The following ACYP2 variants were observed in gnomAD, a reference collection of about 807,000 sequenced individuals.
ACYP2 encodes acylphosphatase 2.
In ACYP2, 12 loss-of-function variants were observed where a neutral mutation model predicts 11.2. The ratio of observed to expected loss-of-function variants is 1.08; its 90% CI spans 0.69 to 1.74. The LOEUF (loss-of-function observed/expected upper bound fraction) is 1.74. ACYP2 is among the 40% of genes most tolerant of loss of function. ACYP2 has a pLI of 0.00. For synonymous variants in ACYP2, 43 were observed against 32.2 expected (o/e 1.33, Z -1.13); for missense variants, 134 against 101.9 (o/e 1.31, Z -1.35).
At position 54,195,230 on chromosome 2, in the gene ACYP2, C is replaced by T. The variant is rs571025080; in HGVS notation, c.404+56482C>T. Among the ~76,000 whole-genome samples the T allele has an allele frequency of 4.6e-5, 7 of 152,310 alleles. No homozygotes were observed. In the East Asian group the frequency reaches 1.4e-3, roughly 29 times the overall value. ...TTGTTAGATTCTATGGTATAGAGGG[C>T]ATTGCCAGTCACAAACCAATTTACC... On this transcript the variant is annotated intron_variant, in intron 6 of 6. Transcript: ENST00000607452.
Position 54,299,392 on chromosome 2 carries a change from G to C in ACYP2, c.405-5296G>C, listed in dbSNP as rs527894894. Among the ~76,000 whole-genome samples, 39 of 152,116 alleles carry C rather than the reference G, an allele frequency of 2.6e-4. 1 individual carries two copies. Among genetic ancestry groups the C allele is most frequent in the Admixed American group, 1.2e-3 (19 of 15,294 alleles). ...GCAGATCACGAGGTCAGGAGTTTGA[G>C]AGCGGCCTGACCAACACAGTGAAAC... On this transcript the variant is annotated intron_variant, in intron 6 of 6. Transcript: ENST00000607452.
chr2:54,156,404 G>A (rs896496276), intron 6 of ACYP2, among the ~76,000 whole-genome samples: 6 of 152,104 alleles, frequency 3.9e-5, no homozygotes, highest in African/African-American at 1.4e-4. Flanking sequence ...TATTTATCCT[G>A]ATGCTCTCCC....
intron 6 of ACYP2, among the ~76,000 whole-genome samples, chr2:54,162,253 T>G (rs1682750405): frequency 6.6e-6 from 1 of 152,218 alleles, no homozygotes; most frequent in Admixed American, 6.5e-5. Context: ...GGAGAGAAAG[T>G]CTCTGAGGAT....
At chr2:54,254,959 G>T (rs1167412765) in intron 6 of ACYP2, 1 of 1,613,690 alleles carries the variant, frequency 6.2e-7, no homozygotes, top group East Asian at 2.2e-5. Context: ...GATCTCCACT[G>T]GCTCCCTTAC....
chr2:54,284,031 A>C (rs1374854747), intron 6 of ACYP2, among the ~76,000 whole-genome samples: 1 of 152,214 alleles, frequency 6.6e-6, no homozygotes, highest in Non-Finnish European at 1.5e-5. Flanking sequence ...GAATCACTTG[A>C]ACCCAGGAGG....
intron 6 of ACYP2, among the ~76,000 whole-genome samples, chr2:54,295,399 C>A (rs929308599): frequency 6.6e-6 from 1 of 152,126 alleles, no homozygotes. Flanking sequence ...GTAATAAGAG[C>A]AAATATTTCT....
intron 2 of ACYP2, among the ~76,000 whole-genome samples, chr2:53,997,837 A>G (rs994355943): frequency 6.6e-6 from 1 of 152,168 alleles, no homozygotes; most frequent in Non-Finnish European, 1.5e-5. Flanking sequence ...TACATTGGGA[A>G]ATGAAAAAAC....
At chr2:53,991,410 CTTT>C (rs200668201) in intron 2 of ACYP2, among the ~76,000 whole-genome samples, 1 of 141,848 alleles carries the variant, frequency 7.0e-6, no homozygotes. Flanking sequence ...ACTTTTTTTT[CTTT>C]TTTTTTTTTT....
chr2:54,193,135 TA>T (rs1402654339), intron 6 of ACYP2, among the ~76,000 whole-genome samples: 1 of 152,220 alleles, frequency 6.6e-6, no homozygotes, highest in African/African-American at 2.4e-5. Flanking sequence ...AGTCCTGGTT[TA>T]AATTGTTTTA....
chr2:54,143,954 A>G (rs188747111), intron 6 of ACYP2, among the ~76,000 whole-genome samples: 264 of 151,910 alleles, frequency 1.7e-3, no homozygotes, highest in South Asian at 3.8e-3. Context: ...CACCTTTTCA[A>G]TCTACCCTGT....
At chr2:54,276,814 C>T (rs1295745015) in intron 6 of ACYP2, among the ~76,000 whole-genome samples, 2 of 152,138 alleles carry the variant, frequency 1.3e-5, no homozygotes, top group East Asian at 1.9e-4. Context: ...GGGGTAACCA[C>T]TATTATCCCT....
chr2:54,114,839 C>A (rs1456059820), intron 4 of ACYP2, among the ~76,000 whole-genome samples: 5 of 152,180 alleles, frequency 3.3e-5, no homozygotes, highest in African/African-American at 4.8e-5. Flanking sequence ...GTTTAGAATA[C>A]GAGTTCAGGC....
intron 4 of ACYP2, among the ~76,000 whole-genome samples, chr2:54,127,040 G>A (rs1275780283): frequency 1.3e-5 from 2 of 148,720 alleles, no homozygotes; most frequent in African/African-American, 2.5e-5. Flanking sequence ...CATAAGAATT[G>A]GCCAACTTTT....
chr2:54,173,335 A>G (rs1683293992), intron 6 of ACYP2, among the ~76,000 whole-genome samples: 1 of 152,186 alleles, frequency 6.6e-6, no homozygotes, highest in Non-Finnish European at 1.5e-5. Flanking sequence ...TTGGCTGCAT[A>G]AATGTCTTCT....
chr2:53,982,704 T>G (rs968400320), intron 2 of ACYP2, among the ~76,000 whole-genome samples: 1 of 152,318 alleles, frequency 6.6e-6, no homozygotes, highest in African/African-American at 2.4e-5. Context: ...ACTACCCCTG[T>G]TGAGTGATTG....
chr2:54,244,642 A>G (rs1686872709), intron 6 of ACYP2, among the ~76,000 whole-genome samples: 1 of 152,116 alleles, frequency 6.6e-6, no homozygotes, highest in African/African-American at 2.4e-5. Context: ...ACCTTCAACT[A>G]TTGTAGCTTT....
chr2:53,990,517 C>T (rs1356060849), intron 2 of ACYP2, among the ~76,000 whole-genome samples: 6 of 150,812 alleles, frequency 4.0e-5, no homozygotes, highest in Middle Eastern at 3.2e-3. Flanking sequence ...GGCGTGGTGG[C>T]GGCCACCTGT....
intron 4 of ACYP2, among the ~76,000 whole-genome samples, chr2:54,058,420 T>G (rs1004086991): frequency 6.6e-6 from 1 of 152,084 alleles, no homozygotes; most frequent in African/African-American, 2.4e-5. Flanking sequence ...TACACCTATG[T>G]CTTCATTTAC....
At chr2:54,135,700 C>T (rs1681187423) in intron 5 of ACYP2, among the ~76,000 whole-genome samples, 1 of 152,008 alleles carries the variant, frequency 6.6e-6, no homozygotes, top group African/African-American at 2.4e-5. Context: ...TTCAAAAGTA[C>T]CTCTCTTTGG....
Sources: gnomAD v4.1 joint callset for allele counts (sites outside exome capture counted in the v4.1 genomes callset) on GRCh38, gnomAD v4.1.1 for gene constraint, MANE v1.5 for transcripts, NCBI Gene and HGNC (gene_info 2026-07-23, HGNC 2026-07-21) for gene names.